ACBD6: variants seen among roughly 807,000 people sequenced by gnomAD.
ACBD6 encodes acyl-CoA-binding domain-containing protein 6.
ACBD6 carries 28 observed loss-of-function variants against 37.2 expected under a neutral mutation model. The observed-to-expected ratio is 0.75, with a 90% CI of 0.56 to 1.03. The LOEUF is 1.03. Ranked by LOEUF, ACBD6 falls within the 50% of genes least tolerant of loss-of-function variation. The pLI, the probability that ACBD6 is intolerant of heterozygous loss-of-function variation, is 0.00. For missense variants in ACBD6, 340 were observed against 337.4 expected, an observed-to-expected ratio of 1.01 and a Z score of -0.06; for synonymous variants, 113 against 126.8, an observed-to-expected ratio of 0.89 and a Z score of 0.73.
chr1:180,453,255 G>A (rs192379035), intron 3 of ACBD6, among the ~76,000 whole-genome samples: 2 of 152,324 alleles, frequency 1.3e-5, no homozygotes, highest in South Asian at 4.1e-4. Flanking sequence ...TGCAAGGCTG[G>A]TTCAACATAT....
chr1:180,406,782 ATAT>A (rs1186373067), intron 5 of ACBD6, among the ~76,000 whole-genome samples: 1 of 152,212 alleles, frequency 6.6e-6, no homozygotes, highest in Non-Finnish European at 1.5e-5. Context: ...GTAAAAACGT[ATAT>A]TATCCCAGAG....
Position 180,492,305 on chromosome 1 carries a change from T to C in ACBD6, c.348A>G (p.Ala116=). 6.2e-7 allele frequency: 1 copy of C among 1,614,142 alleles called. No individual in the cohort carries two copies. Among genetic ancestry groups the C allele is most frequent in the Non-Finnish European group, 8.5e-7 (1 of 1,180,002 alleles). Residue 116 remains alanine (A), a synonymous_variant, in exon 3 of 8, where the codon GCA becomes GCG. Transcript: ENST00000367595. The stretch of plus-strand genomic sequence containing the variant: ...AACCTGGATCTAGTTTTTTAACTAC[T>C]GCGATATATTCCTGCATTGCTTGGC... ...SPSQAMQEYI[A]VVKKLDPGWN... is the part of the protein sequence containing the mutation.
chr1:180,306,777 ATAT>A (rs1262623144), intron 7 of ACBD6, among the ~76,000 whole-genome samples: 2 of 152,172 alleles, frequency 1.3e-5, no homozygotes, highest in Non-Finnish European at 2.9e-5. Flanking sequence ...ATATCTTCAA[ATAT>A]TAATTTTTTG....
downstream of ACBD6, among the ~76,000 whole-genome samples, chr1:180,287,733 G>A (rs1649550635): frequency 6.6e-6 from 1 of 152,044 alleles, no homozygotes; most frequent in South Asian, 2.1e-4. Flanking sequence ...TCCAGAATCT[G>A]TTTCAATCCT....
intron 4 of ACBD6, among the ~76,000 whole-genome samples, chr1:180,415,051 T>C (rs984672712): frequency 5.3e-5 from 8 of 151,540 alleles, no homozygotes; most frequent in African/African-American, 1.9e-4. Flanking sequence ...CACTCCAGCC[T>C]GGGCAACAGA....
At chr1:180,440,659 CCT>C (rs1044285439) in intron 3 of ACBD6, among the ~76,000 whole-genome samples, 22 of 150,618 alleles carry the variant, frequency 1.5e-4, no homozygotes, top group African/African-American at 5.4e-4. Context: ...TCCCCATTCC[CCT>C]CTCCCCCAAA....
At chr1:180,501,917 A>AC in intron 1 of ACBD6, 128 bp downstream of exon 1, 1 of 789,544 alleles carries the variant, frequency 1.3e-6, no homozygotes, top group Non-Finnish European at 2.0e-6. Context: ...AAAAAAAAAA[A>AC]ACAAAACAAA....
intron 4 of ACBD6, among the ~76,000 whole-genome samples, chr1:180,425,047 T>C (rs1205443985): frequency 6.6e-6 from 1 of 152,206 alleles, no homozygotes; most frequent in East Asian, 1.9e-4. Flanking sequence ...GAGGTTCTCA[T>C]GGGCACTGGA....
At chr1:180,418,299 A>T (rs1309877619) in intron 4 of ACBD6, among the ~76,000 whole-genome samples, 1 of 152,136 alleles carries the variant, frequency 6.6e-6, no homozygotes, top group Non-Finnish European at 1.5e-5. Context: ...TATATGAGGA[A>T]GTGTGTGGTG....
chr1:180,347,891 G>T (rs1382223838), intron 6 of ACBD6, among the ~76,000 whole-genome samples: 1 of 152,070 alleles, frequency 6.6e-6, no homozygotes, highest in Non-Finnish European at 1.5e-5. Flanking sequence ...CGTGAACCTG[G>T]GAGGCGGAGC....
chr1:180,472,907 T>C (rs1204845845), intron 3 of ACBD6, among the ~76,000 whole-genome samples: 2 of 152,122 alleles, frequency 1.3e-5, no homozygotes, highest in Non-Finnish European at 2.9e-5. Context: ...CCCCCTAGTT[T>C]TGCAACACAA....
At chr1:180,349,152 A>G (rs1048492182) in intron 6 of ACBD6, among the ~76,000 whole-genome samples, 7 of 152,000 alleles carry the variant, frequency 4.6e-5, no homozygotes, top group African/African-American at 7.2e-5. Context: ...GCTTTTATTT[A>G]CTTATAAAAA....
At chr1:180,362,833 C>T (rs182532752) in intron 6 of ACBD6, among the ~76,000 whole-genome samples, 2 of 152,114 alleles carry the variant, frequency 1.3e-5, no homozygotes, top group African/African-American at 2.4e-5. Flanking sequence ...TTTAGAAAAG[C>T]GATTATGTAA....
At chr1:180,442,836 C>T (rs1041422091) in intron 3 of ACBD6, among the ~76,000 whole-genome samples, 1 of 152,134 alleles carries the variant, frequency 6.6e-6, no homozygotes, top group South Asian at 2.1e-4. Flanking sequence ...TCTTCCATCT[C>T]TCTACATATG....
intron 6 of ACBD6, among the ~76,000 whole-genome samples, chr1:180,353,675 A>T (rs1041801839): frequency 7.3e-4 from 109 of 150,204 alleles, no homozygotes; most frequent in Admixed American, 6.0e-3. Context: ...TATATTAAAA[A>T]TTTATTTGTA....
chr1:180,480,173 GA>G (rs1650971064), intron 3 of ACBD6, among the ~76,000 whole-genome samples: 1 of 152,010 alleles, frequency 6.6e-6, no homozygotes, highest in Non-Finnish European at 1.5e-5. Context: ...TTTTAAATGG[GA>G]TAAACATGGT....
At chr1:180,460,423 A>G (rs1245535268) in intron 3 of ACBD6, among the ~76,000 whole-genome samples, 2 of 152,140 alleles carry the variant, frequency 1.3e-5, no homozygotes, top group East Asian at 1.9e-4. Context: ...TATGAAAGTG[A>G]GGCTAGACTG....
chr1:180,435,024 A>C, intron 3 of ACBD6: 1 of 969,690 alleles, frequency 1.0e-6, no homozygotes, highest in Non-Finnish European at 1.7e-6. Context: ...GAACACCGAC[A>C]ATACACTAGG....
At chr1:180,381,016 G>A (rs887194383) in intron 6 of ACBD6, among the ~76,000 whole-genome samples, 1 of 151,972 alleles carries the variant, frequency 6.6e-6, no homozygotes, top group African/African-American at 2.4e-5. Context: ...AATATGAGAG[G>A]ATGAAAAAGA....
Sources: allele counts gnomAD v4.1 joint callset (sites outside exome capture counted in the v4.1 genomes callset), GRCh38; gene constraint gnomAD v4.1.1; transcripts MANE v1.5; gene names NCBI Gene and HGNC (gene_info 2026-07-23, HGNC 2026-07-21).